The following RLIG1 variants were observed in gnomAD, a reference collection of about 807,000 sequenced individuals.
RLIG1 encodes RNA ligase 1.
the RLIG1 span, chr12:88,045,261 CTTATT>C: frequency 1.4e-5 from 3 of 210,066 alleles, no homozygotes; most frequent in South Asian, 8.8e-5. Context: ...AGAGAGAAAA[CTTATT>C]TTATATAAAA....
At chr12:88,043,860 C>A in the RLIG1 span, 2 of 644,990 alleles carry the variant, frequency 3.1e-6, no homozygotes, top group Non-Finnish European at 5.4e-6. Flanking sequence ...TATGTAAAGT[C>A]CTACATACAT....
the RLIG1 span, chr12:88,035,588 C>T: frequency 1.7e-5 from 26 of 1,526,236 alleles, no homozygotes; most frequent in Non-Finnish European, 2.0e-5. Context: ...GGCTTCTCCG[C>T]GACTGGACCG....
At chr12:88,037,831 T>C in the RLIG1 span, among the ~76,000 whole-genome samples, 2 of 152,214 alleles carry the variant, frequency 1.3e-5, no homozygotes, top group Non-Finnish European at 2.9e-5. Flanking sequence ...ATACAGACTA[T>C]AGAAGTGGCA....
the RLIG1 span, among the ~76,000 whole-genome samples, chr12:88,047,378 T>C: frequency 6.6e-6 from 1 of 152,144 alleles, no homozygotes; most frequent in Non-Finnish European, 1.5e-5. Context: ...TTGTTCCCTT[T>C]CTGTCTCCTG....
At chr12:88,043,247 C>CAAA in the RLIG1 span, among the ~76,000 whole-genome samples, 2 of 151,792 alleles carry the variant, frequency 1.3e-5, no homozygotes, top group Admixed American at 1.3e-4. Context: ...TATTAAAATG[C>CAAA]TTTTAAATAT....
chr12:88,043,592 T>C, the RLIG1 span: 5 of 1,573,862 alleles, frequency 3.2e-6, no homozygotes, highest in South Asian at 5.8e-5. Context: ...TTTTTAATAT[T>C]TTTTAGAATT....
chr12:88,048,493 G>T, the RLIG1 span: 2 of 863,854 alleles, frequency 2.3e-6, no homozygotes, highest in South Asian at 2.5e-5. Context: ...AATATCTCAA[G>T]GTTTCTGTTC....
At chr12:88,046,899 G>C in the RLIG1 span, 926,874 of 1,611,880 alleles carry the variant, frequency 0.58, 272,810 homozygotes, top group East Asian at 0.66. Flanking sequence ...CAATGATCTC[G>C]TGTCCTGGTT....
chr12:88,041,257 T>A, the RLIG1 span, among the ~76,000 whole-genome samples: 32 of 152,354 alleles, frequency 2.1e-4, no homozygotes, highest in Admixed American at 1.1e-3. Context: ...TTCATTCATG[T>A]TGGTTGCATG....
the RLIG1 span, chr12:88,049,337 A>ATACT: frequency 1.1e-5 from 17 of 1,583,484 alleles, no homozygotes; most frequent in Middle Eastern, 1.9e-4. Flanking sequence ...CCTTGTAATT[A>ATACT]TACTTAAGAT....
At chr12:88,042,900 A>G in the RLIG1 span, 2 of 1,567,294 alleles carry the variant, frequency 1.3e-6, no homozygotes, top group Non-Finnish European at 8.6e-7. Flanking sequence ...AATTTTCTAC[A>G]TTCAAAAGAA....
At chr12:88,046,107 T>C in the RLIG1 span, among the ~76,000 whole-genome samples, 1 of 152,160 alleles carries the variant, frequency 6.6e-6, no homozygotes, top group African/African-American at 2.4e-5. Context: ...TTCATGGTTA[T>C]TATAGCATCA....
the RLIG1 span, chr12:88,049,161 G>T: frequency 7.1e-7 from 1 of 1,412,102 alleles, no homozygotes; most frequent in Non-Finnish European, 9.7e-7. Flanking sequence ...ATAGTTAAAT[G>T]AAACAAAGTT....
chr12:88,043,045 T>C, the RLIG1 span: 1 of 445,114 alleles, frequency 2.2e-6, no homozygotes, highest in Non-Finnish European at 3.9e-6. Flanking sequence ...TATAATTGAA[T>C]ACTTTTATAT....
At chr12:88,036,022 G>A in the RLIG1 span, 3 of 1,476,552 alleles carry the variant, frequency 2.0e-6, no homozygotes, top group Non-Finnish European at 2.7e-6. Flanking sequence ...CACATCCACA[G>A]CATGTCCCTT....
chr12:88,049,440 T>C, the RLIG1 span: 1 of 1,159,060 alleles, frequency 8.6e-7, no homozygotes, highest in Non-Finnish European at 1.2e-6. Context: ...TCTTTAAAAG[T>C]TGCATATAGG....
the RLIG1 span, chr12:88,048,258 T>C: frequency 7.6e-6 from 12 of 1,585,594 alleles, no homozygotes; most frequent in Admixed American, 7.1e-5. Flanking sequence ...TCTTGGCTTA[T>C]GCTGGCCAAT....
At chr12:88,036,984 C>G in the RLIG1 span, among the ~76,000 whole-genome samples, 2 of 152,262 alleles carry the variant, frequency 1.3e-5, no homozygotes, top group East Asian at 3.9e-4. Context: ...GCAGCCCCTT[C>G]TCTTACCTCT....
At chr12:88,047,078 T>G in the RLIG1 span, 3 of 1,189,150 alleles carry the variant, frequency 2.5e-6, no homozygotes, top group African/African-American at 1.5e-5. Context: ...GCAATTCTTA[T>G]TTGCAGTAAA....
Sources: allele counts gnomAD v4.1 joint callset (sites outside exome capture counted in the v4.1 genomes callset), GRCh38; gene constraint gnomAD v4.1.1; transcripts MANE v1.5; gene names NCBI Gene and HGNC (gene_info 2026-07-23, HGNC 2026-07-21).